Variants in PTPRD observed in about 807,000 individuals in gnomAD.
The protein encoded by PTPRD is protein tyrosine phosphatase receptor type D.
Under a neutral mutation model 214.5 loss-of-function variants are expected in PTPRD, and 34 were observed. That is an observed-to-expected ratio of 0.16 (90% CI 0.12 to 0.21). PTPRD has a LOEUF of 0.21. Among genes scored for constraint, PTPRD ranks in the 10% least tolerant of loss-of-function variants. PTPRD has a pLI of 1.00. For synonymous variants in PTPRD, 1,128 were observed against 845.7 expected (o/e 1.33, Z -5.79); for missense variants, 2,545 against 2,398.7 (o/e 1.06, Z -1.27).
At chr9:8,613,735 A>G (rs987013692) in intron 14 of PTPRD, among the ~76,000 whole-genome samples, 1 of 152,138 alleles carries the variant, frequency 6.6e-6, no homozygotes. Flanking sequence ...TGAACACAAA[A>G]TGAGTCTAAT....
In PTPRD at chr9:9,673,661, A is replaced by T. The variant is rs557007275; in HGVS notation, c.-287+60872T>A. Among the ~76,000 whole-genome samples, 12 of 151,826 alleles carry T rather than the reference A, an allele frequency of 7.9e-5. No individual in the cohort carries two copies. In the South Asian group the frequency reaches 2.5e-3, roughly 31 times the overall value. ...GATAACTAAAAATATTTCTGTATCA[A>T]TGAAAATTAAAAATCTATAGATACA... is the stretch of plus-strand genomic sequence containing the variant. On this transcript the variant is annotated intron_variant, in intron 7 of 45. Transcript: ENST00000381196.
chr9:8,349,360 A>G (rs2133083397), intron 39 of PTPRD, among the ~76,000 whole-genome samples: 1 of 152,200 alleles, frequency 6.6e-6, no homozygotes, highest in Admixed American at 6.5e-5. Context: ...GCATATATTT[A>G]TTTTGTTTCC....
intron 10 of PTPRD, among the ~76,000 whole-genome samples, chr9:9,105,305 T>C (rs2154444621): frequency 6.6e-6 from 1 of 151,812 alleles, no homozygotes; most frequent in East Asian, 2.0e-4. Context: ...ACCTCTTCCA[T>C]AGCTTTTCAA....
chr9:8,713,673 C>G, intron 12 of PTPRD: 3 of 1,508,784 alleles, frequency 2.0e-6, no homozygotes, highest in South Asian at 2.3e-5. Flanking sequence ...GCGCCCGGGC[C>G]CACTCCATTC....
chr9:8,634,140 A>G (rs1412096206), intron 13 of PTPRD, among the ~76,000 whole-genome samples: 1 of 152,004 alleles, frequency 6.6e-6, no homozygotes, highest in South Asian at 2.1e-4. Context: ...TTAATGTCCT[A>G]AACACTAAGC....
At chr9:8,647,921 C>G (rs1401843562) in intron 12 of PTPRD, among the ~76,000 whole-genome samples, 1 of 152,218 alleles carries the variant, frequency 6.6e-6, no homozygotes, top group African/African-American at 2.4e-5. Context: ...GACCAACCTT[C>G]TAGCTCTCGC....
At chr9:9,800,980 T>A (rs910089505) in intron 5 of PTPRD, among the ~76,000 whole-genome samples, 3 of 152,172 alleles carry the variant, frequency 2.0e-5, no homozygotes, top group Non-Finnish European at 4.4e-5. Flanking sequence ...CCTTGTTCTA[T>A]ACTAAGAGTT....
intron 39 of PTPRD, among the ~76,000 whole-genome samples, chr9:8,368,090 C>A: frequency 6.6e-6 from 1 of 152,106 alleles, no homozygotes; most frequent in East Asian, 1.9e-4. Context: ...GTGCTAGGAG[C>A]CATCTCATTT....
At chr9:9,384,359 T>G (rs2063230095) in intron 9 of PTPRD, among the ~76,000 whole-genome samples, 9 of 61,582 alleles carry the variant, frequency 1.5e-4, no homozygotes, top group African/African-American at 7.0e-4. Context: ...TTTTTTTTTT[T>G]TTTTTTTTTT....
chr9:9,723,387 A>T (rs2098004748), intron 7 of PTPRD, among the ~76,000 whole-genome samples: 1 of 152,028 alleles, frequency 6.6e-6, no homozygotes, highest in Non-Finnish European at 1.5e-5. Flanking sequence ...CGTTAGGCCA[A>T]TTTTGTCTAT....
intron 11 of PTPRD, among the ~76,000 whole-genome samples, chr9:8,744,680 T>C (rs1157741030): frequency 6.6e-6 from 1 of 152,174 alleles, no homozygotes; most frequent in African/African-American, 2.4e-5. Flanking sequence ...GATAAAAGAT[T>C]ACACATTGGG....
chr9:9,445,079 T>C lies in PTPRD; in HGVS notation c.-236-47597A>G, dbSNP rs940371084. Among the ~76,000 whole-genome samples the C allele has an allele frequency of 1.9e-4, 29 of 152,128 alleles. 1 individual carries two copies. Among genetic ancestry groups the C allele is most frequent in the Admixed American group, 1.3e-4 (2 of 15,270 alleles). The stretch of plus-strand genomic sequence containing the variant: ...ATGAATTGGCATGTGATATGACAAT[T>C]TGTAAGATTTTTGCACTTGGTAATA... On this transcript the variant is annotated intron_variant, in intron 8 of 45. Coordinates refer to ENST00000381196, the MANE Select transcript of PTPRD (RefSeq NM_002839.4).
intron 2 of PTPRD, among the ~76,000 whole-genome samples, chr9:10,497,956 C>G (rs1254986503): frequency 6.6e-6 from 1 of 151,910 alleles, no homozygotes; most frequent in Non-Finnish European, 1.5e-5. Context: ...TGGTTAATAG[C>G]TGGACTTTTT....
chr9:8,383,784 A>C (rs75392377), intron 37 of PTPRD, among the ~76,000 whole-genome samples: 1 of 152,070 alleles, frequency 6.6e-6, no homozygotes, highest in Admixed American at 6.5e-5. Flanking sequence ...TAAGTGAATC[A>C]ACCCCCACTA....
intron 3 of PTPRD, among the ~76,000 whole-genome samples, chr9:10,044,264 A>G (rs1490843763): frequency 6.6e-6 from 1 of 151,840 alleles, no homozygotes; most frequent in East Asian, 1.9e-4. Flanking sequence ...TTTCTGATTG[A>G]ATAATACAGA....
At chr9:10,151,256 CTTTTTTTTTTTT>C (rs71321228) in intron 3 of PTPRD, among the ~76,000 whole-genome samples, 1 of 12,384 alleles carries the variant, frequency 8.1e-5, no homozygotes, top group African/African-American at 3.2e-4. Flanking sequence ...TTTTTGTTAA[CTTTTTTTTTTTT>C]TTTTTTTTTT....
chr9:10,201,875 T>A (rs144112496), intron 3 of PTPRD, among the ~76,000 whole-genome samples: 4 of 151,540 alleles, frequency 2.6e-5, no homozygotes, highest in Non-Finnish European at 5.9e-5. Context: ...GTTGTTAAAT[T>A]TGAGAGGTAC....
At chr9:9,367,506 G>C (rs1373719579) in intron 9 of PTPRD, among the ~76,000 whole-genome samples, 1 of 151,508 alleles carries the variant, frequency 6.6e-6, no homozygotes, top group Non-Finnish European at 1.5e-5. Flanking sequence ...ACATAAATTT[G>C]ATAACAACTT....
chr9:8,517,310 TC>T (rs774544926), intron 21 of PTPRD, among the ~76,000 whole-genome samples: 4 of 152,288 alleles, frequency 2.6e-5, no homozygotes, highest in Middle Eastern at 3.4e-3. Context: ...CTATCTGAGA[TC>T]TCGGTAACTG....
Sources: gnomAD v4.1 joint callset for allele counts (sites outside exome capture counted in the v4.1 genomes callset) on GRCh38, gnomAD v4.1.1 for gene constraint, MANE v1.5 for transcripts, NCBI Gene and HGNC (gene_info 2026-07-23, HGNC 2026-07-21) for gene names.